Variants in PCDHGB4 observed in about 807,000 individuals in gnomAD.
PCDHGB4 encodes protocadherin gamma subfamily B, 4.
In PCDHGB4, 38 loss-of-function variants were observed where a neutral mutation model predicts 60.5. The observed-to-expected ratio is 0.63, with a 90% CI of 0.48 to 0.82. The LOEUF (loss-of-function observed/expected upper bound fraction) is 0.82. PCDHGB4 is among the 40% of genes least tolerant of loss of function. The pLI, the probability that PCDHGB4 is intolerant of heterozygous loss-of-function variation, is 0.00. For synonymous variants in PCDHGB4, 456 were observed against 509.7 expected, an observed-to-expected ratio of 0.89 and a Z score of 1.42; for missense variants, 1,109 against 1,209.6, an observed-to-expected ratio of 0.92 and a Z score of 1.23.
intron 1 of PCDHGB4, among the ~76,000 whole-genome samples, chr5:141,482,530 CAA>C (rs3074545): frequency 2.5e-4 from 19 of 76,528 alleles, no homozygotes; most frequent in East Asian, 4.2e-4. Context: ...GACAGACATG[CAA>C]AAAAAAAAAA....
At chr5:141,442,974 A>C (rs1444888648) in intron 1 of PCDHGB4, among the ~76,000 whole-genome samples, 1 of 152,176 alleles carries the variant, frequency 6.6e-6, no homozygotes, top group Non-Finnish European at 1.5e-5. Flanking sequence ...CTGGCTGATA[A>C]AGTTAGCCTA....
At chr5:141,451,170 A>G (rs960062747) in intron 1 of PCDHGB4, among the ~76,000 whole-genome samples, 8 of 152,148 alleles carry the variant, frequency 5.3e-5, no homozygotes, top group East Asian at 3.9e-4. Flanking sequence ...GTAGTATATT[A>G]TTTAGCCATT....
intron 1 of PCDHGB4, among the ~76,000 whole-genome samples, chr5:141,466,776 C>T (rs2099129231): frequency 6.6e-6 from 1 of 152,104 alleles, no homozygotes; most frequent in African/African-American, 2.4e-5. Flanking sequence ...TTATCTTATT[C>T]TTCTTAGTGC....
At chr5:141,497,983 C>T (rs2099780927) in intron 2 of PCDHGB4, among the ~76,000 whole-genome samples, 1 of 152,168 alleles carries the variant, frequency 6.6e-6, no homozygotes, top group African/African-American at 2.4e-5. Context: ...GTGGGAGGCC[C>T]CTGCCCTCAA....
chr5:141,438,595 T>TAC (rs2098000070), intron 1 of PCDHGB4, among the ~76,000 whole-genome samples: 6 of 58,022 alleles, frequency 1.0e-4, no homozygotes, highest in African/African-American at 1.8e-4. Context: ...TACATACATA[T>TAC]ATATATATAT....
Position 141,419,681 on chromosome 5 carries a change from G to A in PCDHGB4, c.2397+29400G>A, listed in dbSNP as rs377117997. ...GCACAATGCCTGGCTGTCCTACCACGTGGTGCAGGCCAGTGAGCCCGGGCT... is the reference window on the plus strand; with the variant it reads ...GCACAATGCCTGGCTGTCCTACCACATGGTGCAGGCCAGTGAGCCCGGGCT... On this transcript the variant is annotated intron_variant, in intron 1 of 3. Coordinates refer to ENST00000519479, the MANE Select transcript of PCDHGB4 (RefSeq NM_003736.4). 76 of 1,612,904 alleles carry A rather than the reference G, an allele frequency of 4.7e-5. No homozygotes were observed. The highest frequency in any genetic ancestry group is 5.7e-5 in the Non-Finnish European group (67 of 1,179,706).
intron 1 of PCDHGB4, among the ~76,000 whole-genome samples, chr5:141,465,343 TG>T (rs1048302340): frequency 1.5e-4 from 23 of 152,118 alleles, no homozygotes; most frequent in African/African-American, 5.3e-4. Flanking sequence ...TATTGGTTAC[TG>T]AAGAAAAAAT....
chr5:141,407,169 G>A (rs946090447), intron 1 of PCDHGB4, among the ~76,000 whole-genome samples: 3 of 152,146 alleles, frequency 2.0e-5, no homozygotes, highest in Non-Finnish European at 4.4e-5. Flanking sequence ...AATCCTTTAT[G>A]ACATACAGAC....
intron 1 of PCDHGB4, chr5:141,410,564 T>C: frequency 6.2e-7 from 1 of 1,612,612 alleles, no homozygotes; most frequent in Non-Finnish European, 8.5e-7. Context: ...TCCTGGAGCC[T>C]TAATTCCACC....
At chr5:141,488,564 G>T (rs1047904416) in intron 1 of PCDHGB4, among the ~76,000 whole-genome samples, 1 of 152,154 alleles carries the variant, frequency 6.6e-6, no homozygotes, top group African/African-American at 2.4e-5. Context: ...TGAGATTTCC[G>T]CAAAGCATTG....
chr5:141,414,920 C>A (rs1222364302), intron 1 of PCDHGB4: 1 of 1,614,146 alleles, frequency 6.2e-7, no homozygotes, highest in South Asian at 1.1e-5. Flanking sequence ...GTGGAGCTGG[C>A]GCCCCGCTCC....
intron 1 of PCDHGB4, chr5:141,478,743 A>G: frequency 6.5e-7 from 1 of 1,528,732 alleles, no homozygotes; most frequent in Non-Finnish European, 8.8e-7. Context: ...TTGTGGTCCC[A>G]TTTCAGGGGG....
intron 1 of PCDHGB4, among the ~76,000 whole-genome samples, chr5:141,453,996 C>T (rs2098779349): frequency 6.6e-6 from 1 of 152,128 alleles, no homozygotes; most frequent in Admixed American, 6.6e-5. Context: ...GTGATAAACC[C>T]ACATAACATT....
intron 1 of PCDHGB4, among the ~76,000 whole-genome samples, chr5:141,484,009 T>A (rs1157069536): frequency 7.1e-5 from 1 of 14,094 alleles, no homozygotes; most frequent in African/African-American, 2.8e-4. Flanking sequence ...TGGATGAGGG[T>A]GGGGGTGGGG....
chr5:141,419,192 G>A (rs772847766), intron 1 of PCDHGB4: 65 of 1,613,816 alleles, frequency 4.0e-5, no homozygotes, highest in Middle Eastern at 1.6e-4. Context: ...CATTACTGAC[G>A]TCAATGACAA....
At chr5:141,393,227 A>G (rs1389818557) in intron 1 of PCDHGB4, 1 of 1,613,740 alleles carries the variant, frequency 6.2e-7, no homozygotes, top group Non-Finnish European at 8.5e-7. Context: ...TCGAAGATCT[A>G]GAAGTAAAAA....
intron 1 of PCDHGB4, among the ~76,000 whole-genome samples, chr5:141,435,451 CTGTA>C: frequency 6.6e-6 from 1 of 152,258 alleles, no homozygotes; most frequent in Non-Finnish European, 1.5e-5. Context: ...AATACGATAT[CTGTA>C]TGTGTTTCCA....
rs1281337319 is a variant in PCDHGB4, at chr5:141,393,186, G to A, written c.2397+2905G>A. ...CTTTGGGGTAGAAATAGAAATAATT[G>A]ATATTAACGATAATAACCCAAAATT... On this transcript the variant is annotated intron_variant, in intron 1 of 3. Transcript: ENST00000519479. 1.2e-6 allele frequency: 2 copies of A among 1,613,188 alleles called. No homozygotes were observed. The highest frequency in any genetic ancestry group is 3.3e-5 in the Admixed American group (2 of 59,998).
At chr5:141,414,762 T>G in intron 1 of PCDHGB4, 1 of 1,614,210 alleles carries the variant, frequency 6.2e-7, no homozygotes. Context: ...ATGAGCAGTT[T>G]CATGAGCTAC....
Sources: gnomAD v4.1 joint callset for allele counts (sites outside exome capture counted in the v4.1 genomes callset) on GRCh38, gnomAD v4.1.1 for gene constraint, MANE v1.5 for transcripts, NCBI Gene and HGNC (gene_info 2026-07-23, HGNC 2026-07-21) for gene names.